The following TMEM138 variants were observed in gnomAD, a reference collection of about 807,000 sequenced individuals.
TMEM138 encodes the protein transmembrane protein 138.
TMEM138 carries 9 observed loss-of-function variants against 18.1 expected under a neutral mutation model. The ratio of observed to expected loss-of-function variants is 0.50; its 90% CI spans 0.30 to 0.87. The LOEUF (loss-of-function observed/expected upper bound fraction) is 0.87, where lower values mean the gene tolerates loss of function less well. TMEM138 is among the 40% of genes least tolerant of loss of function. The pLI is 0.06. For synonymous variants in TMEM138, 79 were observed against 74.8 expected (o/e 1.06, Z -0.29); for missense variants, 189 against 190.6 (o/e 0.99, Z 0.05).
intron 3 of TMEM138, chr11:61,367,444 C>T (rs552480617): frequency 6.5e-6 from 1 of 153,140 alleles, no homozygotes; most frequent in East Asian, 1.9e-4. Context: ...GTAGAGGTCC[C>T]AGGAAAGAAG....
downstream of TMEM138, among the ~76,000 whole-genome samples, chr11:61,372,177 GAAA>G (rs34248583): frequency 4.7e-5 from 6 of 128,886 alleles, no homozygotes; most frequent in African/African-American, 2.9e-5. Flanking sequence ...CTCTGTCTCA[GAAA>G]AAAAAAAAAA....
chr11:61,368,270 G>A, intron 4 of TMEM138: 1 of 565,486 alleles, frequency 1.8e-6, no homozygotes. Context: ...TGTCGCCCAG[G>A]CTGGAGTGCT....
chr11:61,368,036 C>T (rs764827040), intron 4 of TMEM138, 38 bp downstream of exon 4: 1 of 1,390,032 alleles, frequency 7.2e-7, no homozygotes, highest in African/African-American at 1.4e-5. Flanking sequence ...TCTCAGGTCC[C>T]ACATGTGTCT....
downstream of TMEM138, among the ~76,000 whole-genome samples, chr11:61,371,607 C>T (rs1393480308): frequency 2.0e-5 from 3 of 152,112 alleles, no homozygotes; most frequent in Non-Finnish European, 4.4e-5. Context: ...AAAAGAAAGC[C>T]GAACTCTAAA....
chr11:61,365,880 A>T, intron 2 of TMEM138, 165 bp from the exon 3 acceptor site: 1 of 815,350 alleles, frequency 1.2e-6, no homozygotes, highest in Non-Finnish European at 1.8e-6. Context: ...TTTTAGCTTC[A>T]TGTCATTCAG....
chr11:61,363,853 C>G (rs1445472822), intron 1 of TMEM138: 2 of 152,308 alleles, frequency 1.3e-5, no homozygotes, highest in Non-Finnish European at 2.9e-5. Flanking sequence ...AATTTCTCAT[C>G]TGTAAAATGG....
At chr11:61,372,099 C>G (rs543648605), downstream of TMEM138, among the ~76,000 whole-genome samples, 2 of 151,288 alleles carry the variant, frequency 1.3e-5, no homozygotes, top group South Asian at 4.2e-4. Context: ...TTGCTTGAAC[C>G]TGGGAGGCAG....
In TMEM138 at chr11:61,364,402, C is replaced by T. The variant is rs376500080; in HGVS notation, c.12C>T (p.Thr4=). 7.4e-6 allele frequency: 12 copies of T among 1,613,996 alleles called. No homozygotes were observed. In the African/African-American group the frequency reaches 1.6e-4, roughly 22 times the overall value. Reference sequence around the variant, plus strand: ...AAAACAGAAGGAAGATGCTCCAGACCAGTAACTACAGCCTGGTGCTCTCTC... The same window carrying T: ...AAAACAGAAGGAAGATGCTCCAGACTAGTAACTACAGCCTGGTGCTCTCTC... MLQ[T]SNYSLVLSLQ... The change falls in exon 2 of 5, where the codon ACC becomes ACT. Residue 4 remains threonine (T), a synonymous_variant. Coordinates refer to ENST00000278826, the MANE Select transcript of TMEM138 (RefSeq NM_016464.5).
downstream of TMEM138, among the ~76,000 whole-genome samples, chr11:61,376,036 A>G (rs1157159855): frequency 6.6e-6 from 1 of 152,196 alleles, no homozygotes; most frequent in East Asian, 1.9e-4. Flanking sequence ...ATCAAAGCCA[A>G]TTTAAAAGCC....
intron 4 of TMEM138, chr11:61,368,350 G>A (rs371246294): frequency 9.2e-5 from 46 of 502,544 alleles, no homozygotes; most frequent in East Asian, 7.5e-4. Flanking sequence ...CTCAGCCTCC[G>A]GAGTAGCTGG....
At chr11:61,365,756 C>A in intron 2 of TMEM138, 1 of 262,042 alleles carries the variant, frequency 3.8e-6, no homozygotes, top group Non-Finnish European at 7.2e-6. Flanking sequence ...AGAGAATCTT[C>A]TATAGGACTA....
downstream of TMEM138, among the ~76,000 whole-genome samples, chr11:61,370,101 T>C (rs1018263529): frequency 1.3e-5 from 2 of 152,170 alleles, no homozygotes; most frequent in African/African-American, 4.8e-5. Flanking sequence ...CCTGACTGAC[T>C]CCAAACAAAG....
intron 4 of TMEM138, 149 bp from the exon 5 acceptor site, chr11:61,368,448 C>G (rs1166123969): frequency 1.7e-6 from 1 of 592,676 alleles, no homozygotes; most frequent in Non-Finnish European, 3.0e-6. Flanking sequence ...AGGATGGTCT[C>G]GATCTCTGAC....
At position 61,367,934 on chromosome 11, in the gene TMEM138, G is replaced by A. The variant is rs1237696220; in HGVS notation, c.312G>A (p.Trp104Ter). 1 of 1,612,626 alleles carries A rather than the reference G, an allele frequency of 6.2e-7. No homozygotes were observed. The highest frequency in any genetic ancestry group is 8.5e-7 in the Non-Finnish European group (1 of 1,178,726). Reference protein sequence around the residue: ...SLHVWVMNLRWKNSNSFIWTD... With the variant: ...SLHVWVMNLR ...CACATCTCCTTCAGAACTTACGCTGGAAAAACTCCAACAGCTTCATATGGA... is the reference window on the plus strand; with the variant it reads ...CACATCTCCTTCAGAACTTACGCTGAAAAAACTCCAACAGCTTCATATGGA... Residue 104 changes from tryptophan to a stop codon, truncating the protein, a stop_gained, in exon 4 of 5, where the codon TGG (tryptophan) becomes TGA (stop). Coordinates refer to ENST00000278826, the MANE Select transcript of TMEM138 (RefSeq NM_016464.5). LOFTEE classifies it high-confidence loss of function.
chr11:61,364,550 AC>A, intron 2 of TMEM138, 32 bp downstream of exon 2: 1 of 1,612,974 alleles, frequency 6.2e-7, no homozygotes, highest in Non-Finnish European at 8.5e-7. Flanking sequence ...GGAAAGCTGA[AC>A]CCACGCAATT....
chr11:61,362,479 T>C (rs1222897747), intron 1 of TMEM138, 59 bp downstream of exon 1: 1 of 152,334 alleles, frequency 6.6e-6, no homozygotes, highest in Non-Finnish European at 1.5e-5. Context: ...TTTGGTGCTG[T>C]TGTTTTGGGC....
downstream of TMEM138, among the ~76,000 whole-genome samples, chr11:61,370,756 A>T (rs1382201408): frequency 2.0e-5 from 3 of 152,158 alleles, no homozygotes; most frequent in African/African-American, 7.2e-5. Context: ...GGGTACAACC[A>T]CTTAACCACG....
At chr11:61,366,836 G>A (rs920750136) in intron 3 of TMEM138, 1 of 152,230 alleles carries the variant, frequency 6.6e-6, no homozygotes, top group Non-Finnish European at 1.5e-5. Flanking sequence ...TAGAGAACAG[G>A]TGAAATGAAA....
chr11:61,365,244 G>T (rs1227649049), intron 2 of TMEM138, among the ~76,000 whole-genome samples: 2 of 151,564 alleles, frequency 1.3e-5, no homozygotes, highest in Non-Finnish European at 2.9e-5. Flanking sequence ...GTGAGACCTT[G>T]TTTCTATTAA....
Sources: gnomAD v4.1 joint callset for allele counts (sites outside exome capture counted in the v4.1 genomes callset) on GRCh38, gnomAD v4.1.1 for gene constraint, MANE v1.5 for transcripts, NCBI Gene and HGNC (gene_info 2026-07-23, HGNC 2026-07-21) for gene names.